Variants in CARMIL3 observed in about 807,000 individuals in gnomAD.
CARMIL3 encodes the protein capping protein regulator and myosin 1 linker 3, also known as capping protein, Arp2/3 and myosin-I linker protein 3.
CARMIL3 carries 88 observed loss-of-function variants against 180.8 expected under a neutral mutation model. The ratio of observed to expected loss-of-function variants is 0.49; its 90% CI spans 0.41 to 0.58. CARMIL3 has a LOEUF of 0.58. Among genes scored for constraint, CARMIL3 ranks in the 20% least tolerant of loss-of-function variants. The pLI is 0.00. For synonymous variants in CARMIL3, 696 were observed against 714.5 expected (o/e 0.97, Z 0.41); for missense variants, 1,548 against 1,787.0 (o/e 0.87, Z 2.41).
At chr14:24,064,415 C>A in intron 32 of CARMIL3, 69 bp downstream of exon 32, 3 of 1,178,856 alleles carry the variant, frequency 2.5e-6, no homozygotes, top group South Asian at 1.3e-5. Flanking sequence ...TGTGTCCTCC[C>A]AGCTCCCATG....
In CARMIL3 at chr14:24,061,212, A is replaced by G; in HGVS notation, c.2304+172A>G. On this transcript the variant is annotated intron_variant, in intron 26 of 39. Transcript: ENST00000342740. This position sits in a 1 kb window ranked among gnomAD's most constrained non-coding sequence, Gnocchi z 4.1. Reference sequence around the variant, plus strand: ...GGCATTGCTGCAATATCAGGCTTGGATTTTTTTCTGCTAGCTTTGATGTTG... The same window carrying G: ...GGCATTGCTGCAATATCAGGCTTGGGTTTTTTTCTGCTAGCTTTGATGTTG... 2 of 663,630 alleles carry G rather than the reference A, an allele frequency of 3.0e-6. No individual in the cohort carries two copies. Among genetic ancestry groups the G allele is most frequent in the South Asian group, 2.0e-5 (1 of 50,860 alleles). The allele number at this position is 663,630 out of a possible 1,614,324, so 41.1% of individuals were successfully genotyped here. A position where few individuals can be genotyped will look rare whatever the true frequency, so the allele number is the denominator to read the frequency against.
intron 36 of CARMIL3, 43 bp downstream of exon 36, chr14:24,066,699 G>T (rs1387401832): frequency 1.3e-6 from 2 of 1,597,460 alleles, no homozygotes; most frequent in African/African-American, 2.7e-5. Flanking sequence ...GAAAGCCCAG[G>T]GTGTGTCCAA....
Position 24,069,685 on chromosome 14 carries a change from A to T in CARMIL3, c.*281A>T, listed in dbSNP as rs930456618. ...GGTGGATCTCTGTCCCTCTATCCCC[A>T]GGGACTCTCTCCCCTCTTGTATAGA... On this transcript the variant is annotated 3_prime_UTR_variant, in exon 40 of 40. Coordinates refer to ENST00000342740, the MANE Select transcript of CARMIL3 (RefSeq NM_138360.4). 1 of 534,604 alleles carries T rather than the reference A, an allele frequency of 1.9e-6. No homozygotes were observed. The highest frequency in any genetic ancestry group is 3.3e-6 in the Non-Finnish European group (1 of 299,002). The allele number at this position is 534,604 out of a possible 1,614,324, so 33.1% of individuals were successfully genotyped here.
chr14:24,052,220 C>T (rs1171993232), intron 1 of CARMIL3, 27 bp downstream of exon 1: 5 of 1,575,462 alleles, frequency 3.2e-6, no homozygotes, highest in African/African-American at 2.7e-5. Flanking sequence ...GTCTCTGGGA[C>T]GCCCCGTCCG....
At chr14:24,052,243 A>AC (rs1331719700) in intron 1 of CARMIL3, 50 bp downstream of exon 1, 1 of 1,530,496 alleles carries the variant, frequency 6.5e-7, no homozygotes, top group African/African-American at 1.4e-5. Flanking sequence ...AGCATCCCAG[A>AC]CCCAGCGCGT....
chr14:24,063,360 A>C lies in CARMIL3; in HGVS notation c.2806A>C (p.Asn936His). 1 of 1,607,832 alleles carries C rather than the reference A, an allele frequency of 6.2e-7. No homozygotes were observed. Among genetic ancestry groups the C allele is most frequent in the Non-Finnish European group, 8.5e-7 (1 of 1,175,958 alleles). The stretch of plus-strand genomic sequence containing the variant: ...TCAGGACATGGAAAGCCAACTGGGG[A>C]ATCTGGGGATCCCCCCTGGCTGGTT... ...SPQDMESQLG[N>H]LGIPPGWFSG... Residue 936 changes from asparagine (N) to histidine (H), a missense_variant, in exon 31 of 40, where the codon AAT becomes CAT. Coordinates refer to ENST00000342740, the MANE Select transcript of CARMIL3 (RefSeq NM_138360.4).
At position 24,057,894 on chromosome 14, in the gene CARMIL3, G is replaced by A; in HGVS notation, c.1217+15G>A. On this transcript the variant is annotated intron_variant, in intron 15 of 39. Transcript: ENST00000342740. ...TGCTCCCACAGGTGGGAGAGGAGGG[G>A]GAAGGGAGGACAGGGCAAGACATGG... 1.2e-6 allele frequency: 2 copies of A among 1,613,096 alleles called. No homozygotes were observed. The highest frequency in any genetic ancestry group is 1.7e-6 in the Non-Finnish European group (2 of 1,179,970).
chr14:24,053,072 A>G (rs2035634797), intron 1 of CARMIL3, among the ~76,000 whole-genome samples: 1 of 152,120 alleles, frequency 6.6e-6, no homozygotes, highest in Non-Finnish European at 1.5e-5. Flanking sequence ...GCACACACAC[A>G]CACACACACT....
chr14:24,060,078 C>T lies in CARMIL3; in HGVS notation c.1962+15C>T, dbSNP rs2035716872. ...TCTGGCAGAAGGTGCAGGGTGCTGTCCTAAGCAGGGTGGCACAGCAAGGGG... is the reference window on the plus strand; with the variant it reads ...TCTGGCAGAAGGTGCAGGGTGCTGTTCTAAGCAGGGTGGCACAGCAAGGGG... On this transcript the variant is annotated intron_variant, in intron 23 of 39. Transcript: ENST00000342740. 6.2e-7 allele frequency: 1 copy of T among 1,613,866 alleles called. No homozygotes were observed. The highest frequency in any genetic ancestry group is 8.5e-7 in the Non-Finnish European group (1 of 1,179,984).
At position 24,069,675 on chromosome 14, in the gene CARMIL3, C is replaced by G; in HGVS notation, c.*271C>G. 5.4e-6 allele frequency: 3 copies of G among 550,798 alleles called. No individual in the cohort carries two copies. Among genetic ancestry groups the G allele is most frequent in the Non-Finnish European group, 6.5e-6 (2 of 308,190 alleles). 34.1% of individuals were successfully genotyped at this position (550,798 alleles called of 1,614,324 possible). A position where few individuals can be genotyped will look rare whatever the true frequency, so the allele number is the denominator to read the frequency against. On this transcript the variant is annotated 3_prime_UTR_variant, in exon 40 of 40. Transcript: ENST00000342740. ...CCCCCAGGAGGGTGGATCTCTGTCC[C>G]TCTATCCCCAGGGACTCTCTCCCCT...
At position 24,060,685 on chromosome 14, in the gene CARMIL3, C is replaced by G; in HGVS notation, c.2119C>G (p.Pro707Ala). 1 of 1,613,866 alleles carries G rather than the reference C, an allele frequency of 6.2e-7. No individual in the cohort carries two copies. The highest frequency in any genetic ancestry group is 1.1e-5 in the South Asian group (1 of 91,080). Reference sequence around the variant, plus strand: ...GGAGGTGCGGGCCCTGAGACTATGCCCCCTGGAGCCTGTGCAGGATGAGCT... The same window carrying G: ...GGAGGTGCGGGCCCTGAGACTATGCGCCCTGGAGCCTGTGCAGGATGAGCT... ...QEEVRALRLC[P>A]LEPVQDELLY... Residue 707 changes from proline to alanine, a missense_variant, in exon 25 of 40, where the codon CCC becomes GCC. Pro to Ala is a conservative substitution (Grantham distance 27, BLOSUM62 -1). Transcript: ENST00000342740.
chr14:24,056,239 G>A (rs2035670343), intron 10 of CARMIL3, 60 bp from the exon 11 acceptor site: 2 of 1,416,182 alleles, frequency 1.4e-6, no homozygotes, highest in Non-Finnish European at 2.0e-6. Flanking sequence ...AGGAGGGGAA[G>A]CCCAGAGGCT....
chr14:24,060,371 A>G, intron 24 of CARMIL3, 116 bp downstream of exon 24: 9 of 1,247,394 alleles, frequency 7.2e-6, no homozygotes, highest in Non-Finnish European at 1.0e-5. Context: ...CTATCACTGG[A>G]CTGAGCATGT....
At position 24,055,531 on chromosome 14, in the gene CARMIL3, A is replaced by G. The variant is rs757980975; in HGVS notation, c.606-12A>G. 11 of 1,613,846 alleles carry G rather than the reference A, an allele frequency of 6.8e-6. No individual in the cohort carries two copies. Among genetic ancestry groups the G allele is most frequent in the Middle Eastern group, 1.6e-4 (1 of 6,062 alleles). On this transcript the variant is annotated splice_polypyrimidine_tract_variant and intron_variant, in intron 8 of 39. Transcript: ENST00000342740. ...GCTCACCACTTTCCTGCCCCCTTCC[A>G]TATCCCCACAGAGACTTGGCCCTAA...
In CARMIL3 at chr14:24,059,727, G is replaced by A. The variant is rs765969584; in HGVS notation, c.1863G>A (p.Leu621=). The A allele has an allele frequency of 1.2e-6, 2 of 1,614,072 alleles. No homozygotes were observed. Among genetic ancestry groups the A allele is most frequent in the African/African-American group, 1.3e-5 (1 of 75,046 alleles). ...GCTTCCTGGACATCGCAAGGGCCCT[G>A]GAGAGGTGAGTAGACCATGGTCCTG... ...ALGFLDIARA[L]ESNHTLRFMS... Residue 621 remains leucine, a synonymous_variant, in exon 22 of 40, where the codon CTG becomes CTA. Transcript: ENST00000342740. The surrounding 1 kb of genome is among the most constrained non-coding windows in gnomAD (Gnocchi z 6.3).
rs758789412 is a variant in CARMIL3, at chr14:24,054,432, C to A, written c.283C>A (p.Arg95=). The A allele has an allele frequency of 3.7e-6, 6 of 1,613,998 alleles. No individual in the cohort carries two copies. Among genetic ancestry groups the A allele is most frequent in the Non-Finnish European group, 5.1e-6 (6 of 1,180,026 alleles). Reference sequence around the variant, plus strand: ...GACGGAGCGTGGCATGGTGAGCATGCGACTGCCATCAGCTGAAAGTGTGGA... The same window carrying A: ...GACGGAGCGTGGCATGGTGAGCATGAGACTGCCATCAGCTGAAAGTGTGGA... ...VETERGMVSM[R]LPSAESVDQV... is the part of the protein sequence containing the mutation. The change falls in exon 5 of 40, where the codon CGA becomes AGA. Residue 95 remains arginine, a synonymous_variant. Transcript: ENST00000342740. This position sits in a 1 kb window ranked among gnomAD's most constrained non-coding sequence, Gnocchi z 5.1.
chr14:24,053,153 A>G (rs1228236074), intron 1 of CARMIL3, among the ~76,000 whole-genome samples: 9 of 152,076 alleles, frequency 5.9e-5, no homozygotes, highest in African/African-American at 2.2e-4. Flanking sequence ...CCCGCCCAAC[A>G]CACACAGAGG....
In CARMIL3 at chr14:24,060,229, G is replaced by A. The variant is rs1176871781; in HGVS notation, c.2035G>A (p.Gly679Ser). ...PQEQAFRLQQ[G>S]LVTSSAEQML... ...GGAGCAGGCCTTCAGGTTGCAGCAG[G>A]GCCTGGTGACCAGCAGCGCCGAGCA... Residue 679 changes from glycine to serine, a missense_variant, in exon 24 of 40, where the codon GGC becomes AGC. Coordinates refer to ENST00000342740, the MANE Select transcript of CARMIL3 (RefSeq NM_138360.4). 6.2e-7 allele frequency: 1 copy of A among 1,614,036 alleles called. No homozygotes were observed. Among genetic ancestry groups the A allele is most frequent in the African/African-American group, 1.3e-5 (1 of 74,942 alleles).
Position 24,058,660 on chromosome 14 carries a change from A to T in CARMIL3, c.1393-20A>T. On this transcript the variant is annotated intron_variant, in intron 17 of 39. Coordinates refer to ENST00000342740, the MANE Select transcript of CARMIL3 (RefSeq NM_138360.4). This position sits in a 1 kb window ranked among gnomAD's most constrained non-coding sequence, Gnocchi z 6.4. ...CCCCACCCCAACCCCTGCCTTCCCTACCTCACCTTGTCCCTGCAGCTCCGT... is the reference window on the plus strand; with the variant it reads ...CCCCACCCCAACCCCTGCCTTCCCTTCCTCACCTTGTCCCTGCAGCTCCGT... The T allele has an allele frequency of 6.2e-7, 1 of 1,612,570 alleles. No individual in the cohort carries two copies. Among genetic ancestry groups the T allele is most frequent in the Non-Finnish European group, 8.5e-7 (1 of 1,179,354 alleles).
Sources: allele counts gnomAD v4.1 joint callset (sites outside exome capture counted in the v4.1 genomes callset), GRCh38; gene constraint gnomAD v4.1.1; non-coding constraint Gnocchi (gnomAD v3.1); transcripts MANE v1.5; gene names NCBI Gene and HGNC (gene_info 2026-07-23, HGNC 2026-07-21).